Variants in TMEM163 observed in about 807,000 individuals in gnomAD.
The protein encoded by TMEM163 is transmembrane protein 163.
In TMEM163, 17 loss-of-function variants were observed where a neutral mutation model predicts 29.3. That is an observed-to-expected ratio of 0.58 (90% CI 0.40 to 0.87). TMEM163 has a LOEUF of 0.87. Ranked by LOEUF, TMEM163 falls within the 40% of genes least tolerant of loss-of-function variation. The pLI, the probability that TMEM163 is intolerant of heterozygous loss-of-function variation, is 0.00. For missense variants in TMEM163, 303 were observed against 381.5 expected (o/e 0.79, Z 1.71); for synonymous variants, 157 against 160.6 (o/e 0.98, Z 0.17).
At chr2:134,500,972 A>G (rs564966194) in intron 5 of TMEM163, among the ~76,000 whole-genome samples, 24 of 152,314 alleles carry the variant, frequency 1.6e-4, no homozygotes, top group Non-Finnish European at 2.6e-4. Flanking sequence ...ATCACATATT[A>G]TATAGCTAGG....
intron 2 of TMEM163, among the ~76,000 whole-genome samples, chr2:134,704,930 C>T (rs1434182195): frequency 1.3e-5 from 2 of 151,994 alleles, no homozygotes; most frequent in Non-Finnish European, 2.9e-5. Flanking sequence ...ATGTTGAGGC[C>T]GGGTGTGGTG....
intron 2 of TMEM163, among the ~76,000 whole-genome samples, chr2:134,622,849 G>A (rs928203131): frequency 1.3e-5 from 2 of 151,760 alleles, no homozygotes; most frequent in Non-Finnish European, 2.9e-5. Flanking sequence ...TGCAACCTCC[G>A]CCTACTGGGT....
chr2:134,605,553 C>T (rs1682334255), intron 2 of TMEM163, among the ~76,000 whole-genome samples: 1 of 151,928 alleles, frequency 6.6e-6, no homozygotes, highest in South Asian at 2.1e-4. Context: ...CAAAAATTAA[C>T]TGGGCATGGT....
intron 4 of TMEM163, among the ~76,000 whole-genome samples, chr2:134,517,929 T>C (rs1392416897): frequency 6.6e-6 from 1 of 150,714 alleles, no homozygotes; most frequent in Non-Finnish European, 1.5e-5. Context: ...CTTTCATATA[T>C]CACTACAGAG....
At chr2:134,604,897 T>C (rs1232005406) in intron 2 of TMEM163, among the ~76,000 whole-genome samples, 1 of 152,158 alleles carries the variant, frequency 6.6e-6, no homozygotes, top group Non-Finnish European at 1.5e-5. Context: ...ACACAATCCT[T>C]GGCCAGGTGC....
intron 2 of TMEM163, among the ~76,000 whole-genome samples, chr2:134,648,652 T>C (rs556992923): frequency 6.6e-6 from 1 of 152,330 alleles, no homozygotes; most frequent in Non-Finnish European, 1.5e-5. Flanking sequence ...TCTATTTGAA[T>C]TGTATACACA....
Position 134,524,248 on chromosome 2 carries a change from G to GAATT in TMEM163, c.459-21252_459-21251insAATT, listed in dbSNP as rs1204354869. On this transcript the variant is annotated intron_variant, in intron 4 of 7. Coordinates refer to ENST00000281924, the MANE Select transcript of TMEM163 (RefSeq NM_030923.5). ...GTTACACACGAGAATTACCCAGGTG[G>GAATT]CTTAACACTTGGGTCCCACACTCAG... 5.8e-4 allele frequency among the ~76,000 whole-genome samples: 89 copies of GAATT among 152,300 alleles called. 1 individual carries two copies. In the East Asian group the frequency reaches 0.016, roughly 28 times the overall value.
At chr2:134,704,284 C>T (rs560505704) in intron 2 of TMEM163, among the ~76,000 whole-genome samples, 1 of 152,258 alleles carries the variant, frequency 6.6e-6, no homozygotes, top group Non-Finnish European at 1.5e-5. Context: ...AAATTCTCCT[C>T]CTGGACCTGG....
chr2:134,690,077 C>T (rs1335543274), intron 2 of TMEM163, among the ~76,000 whole-genome samples: 2 of 151,960 alleles, frequency 1.3e-5, no homozygotes, highest in African/African-American at 4.8e-5. Context: ...ACTACAGGCA[C>T]GCACCACCAT....
chr2:134,555,185 C>T lies in TMEM163; in HGVS notation c.323-3094G>A, dbSNP rs148362855. ...CAAGTAGTAACTTCATTTTATTTGT[C>T]TCATAACTCACCATGACACATCCCA... On this transcript the variant is annotated intron_variant, in intron 2 of 7. Coordinates refer to ENST00000281924, the MANE Select transcript of TMEM163 (RefSeq NM_030923.5). Among the ~76,000 whole-genome samples, 302 of 152,294 alleles carry T rather than the reference C, an allele frequency of 2.0e-3. 1 individual carries two copies. Among genetic ancestry groups the T allele is most frequent in the Admixed American group, 3.7e-3 (56 of 15,300 alleles).
rs566253816 is a variant in TMEM163 at position 134,717,005 on chromosome 2, A to G, written c.202+1729T>C. On this transcript the variant is annotated intron_variant, in intron 1 of 7. Coordinates refer to ENST00000281924, the MANE Select transcript of TMEM163 (RefSeq NM_030923.5). The stretch of plus-strand genomic sequence containing the variant: ...TACGAACAGTCAATGCTTTCATGCT[A>G]TCATATAATGGAAAATGAAATTCCG... Among the ~76,000 whole-genome samples, 26 of 152,346 alleles carry G rather than the reference A, an allele frequency of 1.7e-4. No homozygotes were observed. In the East Asian group the frequency reaches 4.8e-3, roughly 28 times the overall value.
intron 3 of TMEM163, among the ~76,000 whole-genome samples, chr2:134,551,639 G>A (rs1166480123): frequency 1.3e-5 from 2 of 152,196 alleles, no homozygotes; most frequent in Non-Finnish European, 2.9e-5. Context: ...CAGCTGGGAA[G>A]CCAGGTTACC....
intron 2 of TMEM163, among the ~76,000 whole-genome samples, chr2:134,572,130 A>G (rs187476277): frequency 2.0e-5 from 3 of 152,312 alleles, no homozygotes; most frequent in Non-Finnish European, 4.4e-5. Flanking sequence ...CTCACATGAA[A>G]AAGAGAACTG....
chr2:134,571,838 G>A (rs1395968611), intron 2 of TMEM163, among the ~76,000 whole-genome samples: 1 of 152,128 alleles, frequency 6.6e-6, no homozygotes, highest in Admixed American at 6.6e-5. Flanking sequence ...GATTTTACTG[G>A]GGGCTTGTTG....
At chr2:134,569,097 G>A (rs1681365056) in intron 2 of TMEM163, among the ~76,000 whole-genome samples, 1 of 152,188 alleles carries the variant, frequency 6.6e-6, no homozygotes, top group Admixed American at 6.5e-5. Context: ...CAATTTCCCA[G>A]TGATATTGAG....
chr2:134,539,156 A>G (rs1680605362), intron 4 of TMEM163, among the ~76,000 whole-genome samples: 3 of 152,192 alleles, frequency 2.0e-5, no homozygotes, highest in Admixed American at 2.0e-4. Context: ...AGTGGGTAGG[A>G]ACGATGATAA....
At chr2:134,625,574 T>C (rs1682831674) in intron 2 of TMEM163, among the ~76,000 whole-genome samples, 1 of 152,228 alleles carries the variant, frequency 6.6e-6, no homozygotes. Context: ...ATACCTGTGA[T>C]TCTGACTTCC....
At chr2:134,594,587 G>A (rs1391800668) in intron 2 of TMEM163, among the ~76,000 whole-genome samples, 2 of 152,230 alleles carry the variant, frequency 1.3e-5, no homozygotes, top group East Asian at 3.9e-4. Context: ...CGACTCTCCA[G>A]TTCCCTGAGA....
intron 4 of TMEM163, among the ~76,000 whole-genome samples, chr2:134,543,519 C>T (rs572668169): frequency 5.9e-5 from 9 of 152,202 alleles, no homozygotes; most frequent in Non-Finnish European, 1.0e-4. Context: ...CGGGAAGAAG[C>T]GGGGAGAGAC....
Sources: gnomAD v4.1 joint callset for allele counts (sites outside exome capture counted in the v4.1 genomes callset) on GRCh38, gnomAD v4.1.1 for gene constraint, MANE v1.5 for transcripts, NCBI Gene and HGNC (gene_info 2026-07-23, HGNC 2026-07-21) for gene names.